The following WASL variants were observed in gnomAD, a reference collection of about 807,000 sequenced individuals.
WASL encodes the protein WASP like actin nucleation promoting factor, also known as actin nucleation-promoting factor WASL.
Under a neutral mutation model 55.5 loss-of-function variants are expected in WASL, and 20 were observed. That is an observed-to-expected ratio of 0.36 (90% CI 0.25 to 0.52). The LOEUF (loss-of-function observed/expected upper bound fraction) is 0.52. WASL is among the 20% of genes least tolerant of loss of function. The pLI, the probability that WASL is intolerant of heterozygous loss-of-function variation, is 0.92. For missense variants in WASL, 504 were observed against 622.5 expected, an observed-to-expected ratio of 0.81 and a Z score of 2.03; for synonymous variants, 249 against 217.6, an observed-to-expected ratio of 1.14 and a Z score of -1.27.
intron 1 of WASL, among the ~76,000 whole-genome samples, chr7:123,715,979 C>T (rs1335632105): frequency 6.6e-6 from 1 of 152,096 alleles, no homozygotes; most frequent in African/African-American, 2.4e-5. Flanking sequence ...TGGGTGAGGA[C>T]ACTGTGTTAA....
chr7:123,739,251 T>A (rs765134603), intron 1 of WASL, among the ~76,000 whole-genome samples: 12 of 152,182 alleles, frequency 7.9e-5, no homozygotes, highest in Admixed American at 2.6e-4. Flanking sequence ...CTAGCCTCAA[T>A]TTACTCTTCA....
Position 123,683,329 on chromosome 7 carries a change from C to T in WASL, c.*1190G>A, listed in dbSNP as rs1158248495. ...CAAAGAAACCCTAATTTTAACACAC[C>T]ATTTAGTATGCATAACAAATGTGCA... On this transcript the variant is annotated 3_prime_UTR_variant, in exon 11 of 11. Transcript: ENST00000223023. 6.6e-6 allele frequency: 1 copy of T among 151,534 alleles called. No homozygotes were observed. The highest frequency in any genetic ancestry group is 2.4e-5 in the African/African-American group (1 of 41,218). 9.4% of individuals were successfully genotyped at this position (151,534 alleles called of 1,614,324 possible). A position where few individuals can be genotyped will look rare whatever the true frequency, so the allele number is the denominator to read the frequency against.
intron 5 of WASL, among the ~76,000 whole-genome samples, chr7:123,697,486 A>C (rs575063518): frequency 1.6e-3 from 244 of 152,320 alleles, no homozygotes; most frequent in Middle Eastern, 3.4e-3. Context: ...TAAAAGTATG[A>C]AAGTCTGAAT....
Position 123,688,997 on chromosome 7 carries a change from ACTCT to A in WASL, c.1456+41_1456+44del, listed in dbSNP as rs780403025. 7.7e-5 allele frequency: 110 copies of A among 1,432,472 alleles called. 1 individual carries two copies. Among genetic ancestry groups the A allele is most frequent in the East Asian group, 1.9e-4 (8 of 42,654 alleles). The allele number at this position is 1,432,472 out of a possible 1,614,324, so 88.7% of individuals were successfully genotyped here. ...TCAAATTTATTAAACACACACGCACACTCTCTCTGTCTCTCTCTCTCTCTCTCTC... is the reference window on the plus strand; with the variant it reads ...TCAAATTTATTAAACACACACGCACACTCTGTCTCTCTCTCTCTCTCTCTC... On this transcript the variant is annotated intron_variant, in intron 10 of 10. Coordinates refer to ENST00000223023, the MANE Select transcript of WASL (RefSeq NM_003941.4).
At chr7:123,738,496 C>T (rs1006059907) in intron 1 of WASL, among the ~76,000 whole-genome samples, 11 of 152,206 alleles carry the variant, frequency 7.2e-5, no homozygotes, top group African/African-American at 2.7e-4. Flanking sequence ...GTTCTAGTTC[C>T]TACTATCTAG....
In WASL at chr7:123,694,507, T is replaced by C. The variant is rs551426595; in HGVS notation, c.826+208A>G. 2.6e-4 allele frequency among the ~76,000 whole-genome samples: 40 copies of C among 152,298 alleles called. No homozygotes were observed. In the Middle Eastern group the frequency reaches 0.01, roughly 39 times the overall value. ...TGGGAAGATTTTGTATGGATTTTTA[T>C]GAATAAAGAATAAACAAAACCTTGT... On this transcript the variant is annotated intron_variant, in intron 8 of 10. Transcript: ENST00000223023.
chr7:123,720,543 T>C (rs777384510), intron 1 of WASL, among the ~76,000 whole-genome samples: 5 of 152,144 alleles, frequency 3.3e-5, no homozygotes, highest in African/African-American at 4.8e-5. Context: ...CTAGTAACAG[T>C]TGTTTAAAGG....
chr7:123,740,222 T>C (rs987535844), intron 1 of WASL, among the ~76,000 whole-genome samples: 2 of 151,356 alleles, frequency 1.3e-5, no homozygotes, highest in African/African-American at 2.5e-5. Flanking sequence ...TTATCTTTTA[T>C]ATATATATCT....
At chr7:123,709,723 T>C (rs1442873239) in intron 1 of WASL, among the ~76,000 whole-genome samples, 1 of 152,288 alleles carries the variant, frequency 6.6e-6, no homozygotes, top group African/African-American at 2.4e-5. Context: ...GCATTAGTAA[T>C]GGCTGACTTG....
chr7:123,744,245 C>T lies in WASL; in HGVS notation c.117+4373G>A, dbSNP rs1804393409. ...CAGCACAACTAAACCATTTCGGTCGCTTAATAAATGAAGACTAAAGTCCAG... is the reference window on the plus strand; with the variant it reads ...CAGCACAACTAAACCATTTCGGTCGTTTAATAAATGAAGACTAAAGTCCAG... On this transcript the variant is annotated intron_variant, in intron 1 of 10. Coordinates refer to ENST00000223023, the MANE Select transcript of WASL (RefSeq NM_003941.4). 2.0e-5 allele frequency among the ~76,000 whole-genome samples: 3 copies of T among 152,130 alleles called. No homozygotes were observed. In the South Asian group the frequency reaches 6.2e-4, roughly 32 times the overall value.
chr7:123,697,132 C>T (rs1803506283), intron 5 of WASL, among the ~76,000 whole-genome samples: 1 of 151,750 alleles, frequency 6.6e-6, no homozygotes, highest in East Asian at 1.9e-4. Context: ...AGTAAAGTAT[C>T]TATTTTTGTT....
chr7:123,690,645 G>A (rs1803394924), intron 9 of WASL, among the ~76,000 whole-genome samples: 1 of 66,264 alleles, frequency 1.5e-5, no homozygotes, highest in African/African-American at 4.9e-5. Flanking sequence ...AGGGAGAGTT[G>A]GGATGGGAGA....
rs1444172920 is a variant in WASL at position 123,692,769 on chromosome 7, C to T, written c.925G>A (p.Ala309Thr). 4.1e-6 allele frequency: 6 copies of T among 1,471,196 alleles called. No homozygotes were observed. The highest frequency in any genetic ancestry group is 1.6e-5 in the South Asian group (1 of 63,800). 91.1% of individuals were successfully genotyped at this position (1,471,196 alleles called of 1,614,324 possible). Residue 309 changes from alanine to threonine, a missense_variant, in exon 9 of 11, where the codon GCT (alanine) becomes ACT (threonine). By Grantham distance (58) the Ala-to-Thr change is moderately conservative. Transcript: ENST00000223023. ...PPPPPARGRG[A>T]PPPPPSRAPT... ...GCTCTTGAAGGTGGTGGGGGAGGAGCGCCTCTTCCCCTAGCAGGAGGAGGA... is the reference window on the plus strand; with the variant it reads ...GCTCTTGAAGGTGGTGGGGGAGGAGTGCCTCTTCCCCTAGCAGGAGGAGGA...
At chr7:123,707,814 C>T (rs1274519433) in intron 2 of WASL, among the ~76,000 whole-genome samples, 2 of 152,168 alleles carry the variant, frequency 1.3e-5, no homozygotes, top group African/African-American at 4.8e-5. Context: ...TTAGCCACTG[C>T]TAGTGATTAC....
chr7:123,722,109 G>T (rs754215275), intron 1 of WASL, among the ~76,000 whole-genome samples: 1 of 152,032 alleles, frequency 6.6e-6, no homozygotes, highest in Non-Finnish European at 1.5e-5. Context: ...TAGCCACAAT[G>T]GCTATTCAAA....
intron 1 of WASL, among the ~76,000 whole-genome samples, chr7:123,728,832 C>T (rs946921515): frequency 6.6e-6 from 1 of 152,136 alleles, no homozygotes; most frequent in Non-Finnish European, 1.5e-5. Flanking sequence ...TTATACATAA[C>T]TGCTGTTAGT....
chr7:123,708,794 C>T (rs1043253367), intron 2 of WASL, among the ~76,000 whole-genome samples: 3 of 148,594 alleles, frequency 2.0e-5, no homozygotes, highest in African/African-American at 7.5e-5. Context: ...TAAAAAAATA[C>T]AGAGTGTAAA....
intron 1 of WASL, among the ~76,000 whole-genome samples, chr7:123,745,583 A>T (rs1167806184): frequency 1.3e-5 from 2 of 152,160 alleles, no homozygotes; most frequent in Admixed American, 6.6e-5. Flanking sequence ...GACAACGTGG[A>T]CTTTAGCAGT....
chr7:123,725,356 T>A (rs1371068908), intron 1 of WASL, among the ~76,000 whole-genome samples: 1 of 152,152 alleles, frequency 6.6e-6, no homozygotes, highest in African/African-American at 2.4e-5. Context: ...AAACTCAAGA[T>A]GCTAATAATC....
Sources: allele counts gnomAD v4.1 joint callset (sites outside exome capture counted in the v4.1 genomes callset), GRCh38; gene constraint gnomAD v4.1.1; transcripts MANE v1.5; gene names NCBI Gene and HGNC (gene_info 2026-07-23, HGNC 2026-07-21).